Variants in CPPED1 observed in about 807,000 individuals in gnomAD.
The protein encoded by CPPED1 is calcineurin like phosphoesterase domain containing 1, also known as serine/threonine-protein phosphatase CPPED1.
CPPED1 carries 28 observed loss-of-function variants against 28.0 expected under a neutral mutation model. The observed-to-expected ratio is 1.00, with a 90% CI of 0.74 to 1.37. The LOEUF (loss-of-function observed/expected upper bound fraction) is 1.37. Among genes scored for constraint, CPPED1 ranks in the 40% most tolerant of loss-of-function variants. The pLI, the probability that CPPED1 is intolerant of heterozygous loss-of-function variation, is 0.00. For synonymous variants in CPPED1, 198 were observed against 180.2 expected (o/e 1.10, Z -0.79); for missense variants, 504 against 416.5 (o/e 1.21, Z -1.83).
At chr16:12,714,045 T>G (rs1342930250) in intron 2 of CPPED1, among the ~76,000 whole-genome samples, 1 of 152,240 alleles carries the variant, frequency 6.6e-6, no homozygotes, top group African/African-American at 2.4e-5. Flanking sequence ...TGTAGGCTTT[T>G]GTTACTGATC....
At chr16:12,701,260 T>C (rs2080019121) in intron 3 of CPPED1, among the ~76,000 whole-genome samples, 1 of 151,672 alleles carries the variant, frequency 6.6e-6, no homozygotes. Flanking sequence ...CCGGGTGTGG[T>C]GGCTCACACC....
At chr16:12,681,847 G>C (rs995683415) in intron 3 of CPPED1, among the ~76,000 whole-genome samples, 10 of 152,114 alleles carry the variant, frequency 6.6e-5, no homozygotes, top group African/African-American at 2.4e-4. Context: ...GAATCAGAAA[G>C]GACATGGGGA....
chr16:12,797,155 A>C (rs9941154), intron 1 of CPPED1, among the ~76,000 whole-genome samples: 5,330 of 152,266 alleles, frequency 0.035, 338 homozygotes, highest in African/African-American at 0.12. Flanking sequence ...AGATGTGCTA[A>C]AGTTAGATTG....
At chr16:12,729,038 G>C (rs114487719) in intron 2 of CPPED1, among the ~76,000 whole-genome samples, 3 of 152,122 alleles carry the variant, frequency 2.0e-5, no homozygotes, top group African/African-American at 7.2e-5. Context: ...GGAAACATGG[G>C]TGTCTGTGAG....
At chr16:12,766,244 TA>T (rs1023553963) in intron 2 of CPPED1, among the ~76,000 whole-genome samples, 2 of 129,184 alleles carry the variant, frequency 1.5e-5, no homozygotes, top group Non-Finnish European at 3.1e-5. Flanking sequence ...AAAATACAAA[TA>T]TATATATATA....
chr16:12,768,584 A>T (rs1231416988), intron 2 of CPPED1, among the ~76,000 whole-genome samples: 1 of 152,222 alleles, frequency 6.6e-6, no homozygotes, highest in East Asian at 1.9e-4. Context: ...GTCAAAGAAC[A>T]AGAGTATGTG....
chr16:12,702,946 A>G (rs1316091547), intron 3 of CPPED1, among the ~76,000 whole-genome samples: 1 of 147,756 alleles, frequency 6.8e-6, no homozygotes, highest in Non-Finnish European at 1.5e-5. Flanking sequence ...CAGGAGACAG[A>G]GGTTGCAGTG....
In CPPED1 at chr16:12,802,747, C is replaced by G. The variant is rs150576986; in HGVS notation, c.70+960G>C. Among the ~76,000 whole-genome samples the G allele has an allele frequency of 1.8e-3, 267 of 152,314 alleles. 2 individuals carry two copies. Among genetic ancestry groups the G allele is most frequent in the African/African-American group, 5.5e-3 (228 of 41,566 alleles). The stretch of plus-strand genomic sequence containing the variant: ...AGGCTCACCAACCCTGCTAAAGAAG[C>G]AGAAAACAGCAAGCGCCAAGACCCT... On this transcript the variant is annotated intron_variant, in intron 1 of 3. Transcript: ENST00000381774.
chr16:12,664,123 T>C lies in CPPED1; in HGVS notation c.*763A>G, dbSNP rs1644069971. On this transcript the variant is annotated 3_prime_UTR_variant, in exon 4 of 4. Coordinates refer to ENST00000381774, the MANE Select transcript of CPPED1 (RefSeq NM_018340.3). This position sits in a 1 kb window ranked among gnomAD's most constrained non-coding sequence, Gnocchi z 4.2. ...CTGTGGAGTGGCTACACAGCCAGAA[T>C]GTGGATGTGAACCAACTCAACGTGC... 1 of 152,576 alleles carries C rather than the reference T, an allele frequency of 6.6e-6. No homozygotes were observed. The highest frequency in any genetic ancestry group is 1.5e-5 in the Non-Finnish European group (1 of 68,366). 9.5% of individuals were successfully genotyped at this position (152,576 alleles called of 1,614,324 possible).
intron 2 of CPPED1, among the ~76,000 whole-genome samples, chr16:12,780,467 C>T (rs1433359342): frequency 6.6e-6 from 1 of 152,062 alleles, no homozygotes; most frequent in Non-Finnish European, 1.5e-5. Flanking sequence ...TGAGCCACTG[C>T]ACCCGGCCAG....
chr16:12,717,810 T>C (rs184419439), intron 2 of CPPED1, among the ~76,000 whole-genome samples: 10 of 152,220 alleles, frequency 6.6e-5, no homozygotes, highest in Admixed American at 6.5e-4. Flanking sequence ...CCCAGCTAAT[T>C]TTTGTACTTT....
At chr16:12,773,137 T>C (rs549086664) in intron 2 of CPPED1, among the ~76,000 whole-genome samples, 4 of 152,298 alleles carry the variant, frequency 2.6e-5, no homozygotes, top group South Asian at 4.1e-4. Context: ...AAAGAAGCCA[T>C]TGTAGCTCTC....
In CPPED1 at chr16:12,781,199, A is replaced by T; in HGVS notation, c.275T>A (p.Ile92Asn). 6.2e-7 allele frequency: 1 copy of T among 1,613,158 alleles called. No individual in the cohort carries two copies. Among genetic ancestry groups the T allele is most frequent in the Non-Finnish European group, 8.5e-7 (1 of 1,179,596 alleles). ...PKFFVLCGDL[I>N]HAMPGKPWRT... ...CCGAGTCTTACCTGGCATGGCGTGG[A>T]TGAGGTCGCCGCACAGAACGAAGAA... The change falls in exon 2 of 4, where the codon ATC (isoleucine) becomes AAC (asparagine). Residue 92 changes from isoleucine (I) to asparagine (N), a missense_variant. Transcript: ENST00000381774.
chr16:12,772,143 C>A (rs1286209119), intron 2 of CPPED1, among the ~76,000 whole-genome samples: 7 of 150,150 alleles, frequency 4.7e-5, no homozygotes, highest in East Asian at 3.9e-4. Context: ...CAAAACAAAA[C>A]AAAAAAAAAC....
At chr16:12,702,785 G>A (rs1182490592) in intron 3 of CPPED1, among the ~76,000 whole-genome samples, 1 of 151,798 alleles carries the variant, frequency 6.6e-6, no homozygotes, top group African/African-American at 2.4e-5. Context: ...ATCACCTGAC[G>A]TCAGAAGTTT....
At chr16:12,749,523 C>T (rs2080313440) in intron 2 of CPPED1, among the ~76,000 whole-genome samples, 1 of 152,196 alleles carries the variant, frequency 6.6e-6, no homozygotes, top group South Asian at 2.1e-4. Flanking sequence ...TCCATGATGA[C>T]TGGAATCGAC....
intron 2 of CPPED1, among the ~76,000 whole-genome samples, chr16:12,721,713 C>T (rs1252635929): frequency 1.3e-5 from 2 of 151,076 alleles, no homozygotes; most frequent in African/African-American, 2.4e-5. Context: ...AAGATCACAC[C>T]ACTGCACTCT....
intron 2 of CPPED1, among the ~76,000 whole-genome samples, chr16:12,755,064 C>T (rs2080356477): frequency 6.6e-6 from 1 of 152,102 alleles, no homozygotes; most frequent in Non-Finnish European, 1.5e-5. Flanking sequence ...AAAACATCTG[C>T]TCCCAGGAAG....
At chr16:12,731,445 C>A (rs767642921) in intron 2 of CPPED1, among the ~76,000 whole-genome samples, 6 of 151,444 alleles carry the variant, frequency 4.0e-5, no homozygotes, top group Admixed American at 3.3e-4. Flanking sequence ...ATGGGTCCCC[C>A]GGGGAAAACA....
Sources: gnomAD v4.1 joint callset for allele counts (sites outside exome capture counted in the v4.1 genomes callset) on GRCh38, gnomAD v4.1.1 for gene constraint, Gnocchi (gnomAD v3.1) non-coding constraint, MANE v1.5 for transcripts, NCBI Gene and HGNC (gene_info 2026-07-23, HGNC 2026-07-21) for gene names.